The following P2RY12 variants were observed in gnomAD, a reference collection of about 807,000 sequenced individuals.
P2RY12 encodes P2Y purinoceptor 12.
P2RY12 carries 3 observed loss-of-function variants against 4.5 expected under a neutral mutation model. The observed-to-expected ratio is 0.67, with a 90% confidence interval of 0.31 to 1.74. P2RY12 has a LOEUF of 1.74. P2RY12 is among the 40% of genes most tolerant of loss of function. The pLI is 0.09. For synonymous variants in P2RY12, 148 were observed against 154.1 expected, an observed-to-expected ratio of 0.96 and a Z score of 0.29; for missense variants, 356 against 407.8, an observed-to-expected ratio of 0.87 and a Z score of 1.09.
intron 1 of P2RY12, among the ~76,000 whole-genome samples, chr3:151,370,892 C>T (rs1165433360): frequency 6.6e-6 from 1 of 152,196 alleles, no homozygotes; most frequent in Non-Finnish European, 1.5e-5. Context: ...AGTCTAATCT[C>T]AAGTAGAATT....
chr3:151,344,467 A>G (rs1035566785), intron 1 of P2RY12, among the ~76,000 whole-genome samples: 3 of 152,194 alleles, frequency 2.0e-5, no homozygotes, highest in African/African-American at 4.8e-5. Context: ...TACAGCTGAA[A>G]GAAATAGTGT....
chr3:151,354,316 T>A (rs1198064174), intron 1 of P2RY12, among the ~76,000 whole-genome samples: 1 of 151,856 alleles, frequency 6.6e-6, no homozygotes, highest in Non-Finnish European at 1.5e-5. Flanking sequence ...TTAAGAAGAG[T>A]ACCCCTAGAA....
intron 1 of P2RY12, chr3:151,357,191 T>G: frequency 6.4e-7 from 1 of 1,559,350 alleles, no homozygotes; most frequent in East Asian, 2.3e-5. Flanking sequence ...ACATGTTTAT[T>G]CAGTCTTTTC....
chr3:151,384,263 G>T, intron 1 of P2RY12: 2 of 1,538,394 alleles, frequency 1.3e-6, no homozygotes, highest in Non-Finnish European at 1.8e-6. Flanking sequence ...GTTGTTTATG[G>T]ATTTATTATC....
chr3:151,339,600 A>G (rs1005814483), intron 2 of P2RY12, among the ~76,000 whole-genome samples: 1 of 152,026 alleles, frequency 6.6e-6, no homozygotes, highest in Non-Finnish European at 1.5e-5. Flanking sequence ...AAGTTGCTGC[A>G]TACATTTTCT....
At chr3:151,357,203 C>T (rs1289727335) in intron 1 of P2RY12, 3 of 1,581,656 alleles carry the variant, frequency 1.9e-6, no homozygotes, top group East Asian at 2.3e-5. Context: ...AGTCTTTTCT[C>T]CTGTTACAGT....
At chr3:151,351,254 A>G (rs185448285) in intron 1 of P2RY12, among the ~76,000 whole-genome samples, 134 of 152,322 alleles carry the variant, frequency 8.8e-4, no homozygotes, top group African/African-American at 2.8e-3. Flanking sequence ...TTCCCGGTCA[A>G]TCATGGTGCA....
At chr3:151,380,201 T>A in intron 1 of P2RY12, 1 of 1,606,900 alleles carries the variant, frequency 6.2e-7, no homozygotes. Flanking sequence ...CCTCCTAACA[T>A]CTCTCCAGAA....
chr3:151,369,408 G>A, intron 1 of P2RY12: 1 of 1,438,144 alleles, frequency 7.0e-7, no homozygotes, highest in Non-Finnish European at 9.7e-7. Flanking sequence ...ATGGTAATGA[G>A]ACTATTAAAG....
rs114015408 is a variant in P2RY12, at chr3:151,346,127, C to G, written c.-179-5367G>C. Among the ~76,000 whole-genome samples the G allele has an allele frequency of 5.5e-3, 844 of 152,276 alleles. 12 individuals carry two copies. The highest frequency in any genetic ancestry group is 0.019 in the African/African-American group (802 of 41,550). On this transcript the variant is annotated intron_variant, in intron 1 of 2. Coordinates refer to ENST00000302632, the MANE Select transcript of P2RY12 (RefSeq NM_022788.5). ...TATCAAGGCCAAGGAATGATTTGAG[C>G]TTCTTAAGTGTCTTCTTCACCTCAA... is the stretch of plus-strand genomic sequence containing the variant.
At chr3:151,360,206 A>G (rs1228862515) in intron 1 of P2RY12, among the ~76,000 whole-genome samples, 1 of 152,140 alleles carries the variant, frequency 6.6e-6, no homozygotes, top group African/African-American at 2.4e-5. Flanking sequence ...GGATTCCTCC[A>G]TACGTACCTT....
chr3:151,380,064 A>C, intron 1 of P2RY12: 4 of 1,113,716 alleles, frequency 3.6e-6, no homozygotes, highest in Non-Finnish European at 5.2e-6. Flanking sequence ...CAGAGGAAGT[A>C]ATGCATTATT....
At chr3:151,358,925 T>C (rs898822647) in intron 1 of P2RY12, among the ~76,000 whole-genome samples, 5 of 152,184 alleles carry the variant, frequency 3.3e-5, no homozygotes, top group African/African-American at 1.2e-4. Context: ...TTATAGATAA[T>C]ATCAGGATTT....
chr3:151,367,005 T>A (rs551459011), intron 1 of P2RY12, among the ~76,000 whole-genome samples: 1 of 152,202 alleles, frequency 6.6e-6, no homozygotes, highest in South Asian at 2.1e-4. Context: ...ATGGTGCGAA[T>A]CAGTATGAAG....
chr3:151,359,034 G>T (rs1174979643), intron 1 of P2RY12, among the ~76,000 whole-genome samples: 3 of 152,138 alleles, frequency 2.0e-5, no homozygotes, highest in Non-Finnish European at 4.4e-5. Context: ...CCATCAGGAA[G>T]TGAGCATAGT....
intron 1 of P2RY12, among the ~76,000 whole-genome samples, chr3:151,346,190 G>C (rs567626089): frequency 1.3e-5 from 2 of 151,838 alleles, no homozygotes; most frequent in Admixed American, 1.3e-4. Context: ...TTTTTTTCCC[G>C]ATGGTCAAGT....
At chr3:151,343,342 T>C (rs763158019) in intron 1 of P2RY12, among the ~76,000 whole-genome samples, 1 of 152,328 alleles carries the variant, frequency 6.6e-6, no homozygotes, top group South Asian at 2.1e-4. Flanking sequence ...TCTAAACCTC[T>C]AGAAGGGCTA....
intron 1 of P2RY12, among the ~76,000 whole-genome samples, chr3:151,343,022 CTG>C (rs919123345): frequency 6.6e-6 from 1 of 152,080 alleles, no homozygotes; most frequent in African/African-American, 2.4e-5. Flanking sequence ...GCCTTAGAAT[CTG>C]TATTTGTGTA....
At chr3:151,357,177 A>T in intron 1 of P2RY12, 1 of 1,516,768 alleles carries the variant, frequency 6.6e-7, no homozygotes, top group Non-Finnish European at 8.9e-7. Flanking sequence ...TTGTTTTGGC[A>T]CCTACATGTT....
Sources: allele counts gnomAD v4.1 joint callset (sites outside exome capture counted in the v4.1 genomes callset), GRCh38; gene constraint gnomAD v4.1.1; transcripts MANE v1.5; gene names NCBI Gene and HGNC (gene_info 2026-07-23, HGNC 2026-07-21).